Variants in HMCN1 observed in about 807,000 individuals in gnomAD.
HMCN1 encodes hemicentin-1.
In HMCN1, 321 loss-of-function variants were observed where a neutral mutation model predicts 625.9. The ratio of observed to expected loss-of-function variants is 0.51; its 90% CI spans 0.47 to 0.56. The LOEUF (loss-of-function observed/expected upper bound fraction) is 0.56. Among genes scored for constraint, HMCN1 ranks in the 20% least tolerant of loss-of-function variants. The pLI is 0.00. For missense variants in HMCN1, 6,588 were observed against 6,887.3 expected (o/e 0.96, Z 1.54); for synonymous variants, 2,425 against 2,417.6 (o/e 1.00, Z -0.09).
intron 36 of HMCN1, among the ~76,000 whole-genome samples, chr1:186,032,051 AAAAT>A (rs1167583310): frequency 6.6e-6 from 1 of 152,040 alleles, no homozygotes; most frequent in African/African-American, 2.4e-5. Context: ...AAAAAAAACA[AAAAT>A]AAATAAATGG....
intron 98 of HMCN1, 55 bp downstream of exon 98, chr1:186,165,228 TA>T (rs946253675): frequency 1.4e-6 from 2 of 1,413,882 alleles, no homozygotes; most frequent in African/African-American, 2.8e-5. Context: ...CAATATTGGA[TA>T]GCATTTAATG....
chr1:186,130,019 A>G lies in HMCN1; in HGVS notation c.12958A>G (p.Lys4320Glu), dbSNP rs772353989. The change falls in exon 84 of 107, where the codon AAA becomes GAA. Residue 4320 changes from lysine (K) to glutamate (E), a missense_variant. Transcript: ENST00000271588. ...HSELVIERVSKEDSGTYVCTA... is the reference protein window; with the variant it reads ...HSELVIERVSEEDSGTYVCTA... ...TGAACTTGTTATTGAAAGAGTGTCA[A>G]AAGAGGATTCAGGTACTTATGTGTG... 1.9e-6 allele frequency: 3 copies of G among 1,613,256 alleles called. No homozygotes were observed. The South Asian group carries it at 3.3e-5, about 18-fold the overall frequency.
intron 1 of HMCN1, among the ~76,000 whole-genome samples, chr1:185,775,676 A>T (rs537434832): frequency 6.6e-6 from 1 of 152,290 alleles, no homozygotes; most frequent in East Asian, 1.9e-4. Flanking sequence ...ACAAAAAGGG[A>T]TTTGATGTAA....
chr1:185,868,993 A>G (rs540530448), intron 4 of HMCN1, among the ~76,000 whole-genome samples: 1 of 152,278 alleles, frequency 6.6e-6, no homozygotes, highest in Admixed American at 6.5e-5. Context: ...TTTGATGCCA[A>G]CAATAGAGCT....
intron 15 of HMCN1, 47 bp downstream of exon 15, chr1:185,970,540 T>C (rs781385062): frequency 2.7e-6 from 4 of 1,483,004 alleles, no homozygotes; most frequent in South Asian, 2.3e-5. Flanking sequence ...AATTGATATG[T>C]TATTTTTCAT....
intron 97 of HMCN1, among the ~76,000 whole-genome samples, chr1:186,156,826 A>G (rs1393293074): frequency 6.6e-6 from 1 of 152,212 alleles, no homozygotes; most frequent in Non-Finnish European, 1.5e-5. Flanking sequence ...TCATTTATTC[A>G]TTTAACAAAT....
chr1:185,784,679 GT>G (rs1001445310), intron 1 of HMCN1, among the ~76,000 whole-genome samples: 21 of 152,108 alleles, frequency 1.4e-4, no homozygotes, highest in African/African-American at 5.1e-4. Context: ...TTATTGGGGG[GT>G]TTCTACATCC....
At chr1:186,087,414 A>C (rs764107609) in intron 59 of HMCN1, 29 bp from the exon 60 acceptor site, 8 of 1,610,550 alleles carry the variant, frequency 5.0e-6, no homozygotes, top group African/African-American at 1.3e-5. Context: ...AATGAAAAAG[A>C]AAATCCTTCT....
intron 24 of HMCN1, among the ~76,000 whole-genome samples, chr1:185,996,588 A>T (rs1391489148): frequency 6.6e-6 from 1 of 152,168 alleles, no homozygotes; most frequent in African/African-American, 2.4e-5. Flanking sequence ...GGAGGGAATC[A>T]TTCGGCTAGA....
chr1:185,789,375 A>G (rs934512344), intron 1 of HMCN1, among the ~76,000 whole-genome samples: 1 of 152,178 alleles, frequency 6.6e-6, no homozygotes, highest in Non-Finnish European at 1.5e-5. Context: ...GAGGTTTAAC[A>G]TGACATGGTA....
chr1:186,097,579 A>G (rs892925902), intron 68 of HMCN1, among the ~76,000 whole-genome samples: 1 of 152,124 alleles, frequency 6.6e-6, no homozygotes, highest in Non-Finnish European at 1.5e-5. Context: ...ATGGAAAGAT[A>G]TTTCATGTTT....
intron 11 of HMCN1, among the ~76,000 whole-genome samples, chr1:185,954,757 A>G (rs1649497210): frequency 6.6e-6 from 1 of 152,118 alleles, no homozygotes; most frequent in African/African-American, 2.4e-5. Context: ...CTTTTCAGTA[A>G]TCATACCTTA....
intron 1 of HMCN1, among the ~76,000 whole-genome samples, chr1:185,735,320 T>C (rs1349235606): frequency 6.6e-6 from 1 of 152,124 alleles, no homozygotes; most frequent in East Asian, 1.9e-4. Flanking sequence ...AAACCAAAAA[T>C]CTTGGGCAAC....
intron 11 of HMCN1, among the ~76,000 whole-genome samples, chr1:185,960,766 C>T (rs561062623): frequency 2.0e-5 from 3 of 152,258 alleles, no homozygotes; most frequent in Non-Finnish European, 4.4e-5. Context: ...TAGCTAGACA[C>T]GAGAAGCATT....
At chr1:186,146,924 G>T (rs983013989) in intron 93 of HMCN1, among the ~76,000 whole-genome samples, 2 of 152,174 alleles carry the variant, frequency 1.3e-5, no homozygotes, top group African/African-American at 2.4e-5. Context: ...TGAGCACTGG[G>T]ACTCAAGTCC....
intron 14 of HMCN1, among the ~76,000 whole-genome samples, chr1:185,968,488 A>C (rs1377368844): frequency 6.6e-6 from 1 of 150,626 alleles, no homozygotes; most frequent in Admixed American, 6.6e-5. Context: ...AATTATATAT[A>C]TATATATAAA....
intron 1 of HMCN1, among the ~76,000 whole-genome samples, chr1:185,802,630 G>A (rs551167485): frequency 1.3e-5 from 2 of 152,292 alleles, no homozygotes; most frequent in South Asian, 2.1e-4. Context: ...TTTTAAGAAT[G>A]AGAGTGGTAC....
At chr1:185,871,070 AAT>A (rs933606741) in intron 4 of HMCN1, among the ~76,000 whole-genome samples, 2 of 152,102 alleles carry the variant, frequency 1.3e-5, no homozygotes, top group Non-Finnish European at 2.9e-5. Context: ...TCTCTACTAA[AAT>A]ACAAAAATTA....
intron 11 of HMCN1, among the ~76,000 whole-genome samples, chr1:185,940,207 A>G (rs1448675795): frequency 1.3e-5 from 2 of 152,212 alleles, no homozygotes; most frequent in Non-Finnish European, 2.9e-5. Flanking sequence ...AATGACTTAA[A>G]GCTTATTTAA....
Sources: allele counts gnomAD v4.1 joint callset (sites outside exome capture counted in the v4.1 genomes callset), GRCh38; gene constraint gnomAD v4.1.1; transcripts MANE v1.5; gene names NCBI Gene and HGNC (gene_info 2026-07-23, HGNC 2026-07-21).